The following FOXN1 variants were observed in gnomAD, a reference collection of about 807,000 sequenced individuals.
FOXN1 encodes the protein forkhead box protein N1.
In FOXN1, 15 loss-of-function variants were observed where a neutral mutation model predicts 49.0. That is an observed-to-expected ratio of 0.31 (90% confidence interval 0.20 to 0.47). FOXN1 has a LOEUF of 0.47. FOXN1 is among the 20% of genes least tolerant of loss of function. The probability of loss-of-function intolerance (pLI) is 1.00; values close to 1 mark genes in which losing one functional copy is unlikely to be tolerated. For missense variants in FOXN1, 800 were observed against 842.8 expected (o/e 0.95, Z 0.63); for synonymous variants, 356 against 369.0 (o/e 0.96, Z 0.40).
chr17:28,531,755 G>C (rs1167029151), intron 6 of FOXN1, among the ~76,000 whole-genome samples: 1 of 152,140 alleles, frequency 6.6e-6, no homozygotes, highest in Non-Finnish European at 1.5e-5. Flanking sequence ...TGAGACCCGG[G>C]TAATCCAGAA....
chr17:28,538,754 G>A lies in FOXN1; in HGVS notation c.*1318G>A, dbSNP rs936905430. 6.6e-6 allele frequency: 1 copy of A among 152,242 alleles called. No homozygotes were observed. Among genetic ancestry groups the A allele is most frequent in the Non-Finnish European group, 1.5e-5 (1 of 68,060 alleles). 9.4% of individuals were successfully genotyped at this position (152,242 alleles called of 1,614,324 possible). A position where few individuals can be genotyped will look rare whatever the true frequency, so the allele number is the denominator to read the frequency against. On this transcript the variant is annotated 3_prime_UTR_variant, in exon 9 of 9. Transcript: ENST00000579795. ...TGCCATGAGCCTGACCCCATCGAGG[G>A]GGAACCTCAGCCCACCCTGGGCCTG...
At chr17:28,522,005 C>T (rs1306203434) in intron 1 of FOXN1, among the ~76,000 whole-genome samples, 2 of 152,168 alleles carry the variant, frequency 1.3e-5, no homozygotes, top group Non-Finnish European at 2.9e-5. Flanking sequence ...GCCTGGCCTC[C>T]CAGCCTAGCC....
At chr17:28,515,325 TACCTCCACAGGGTACAC>T (rs1260545745) in intron 1 of FOXN1, among the ~76,000 whole-genome samples, 1 of 150,084 alleles carries the variant, frequency 6.7e-6, no homozygotes, top group East Asian at 2.0e-4. Context: ...ACAGAGTACA[TACCTCCACAGGGTACAC>T]ACCTCCACAG....
chr17:28,508,236 T>A (rs1202669963), intron 1 of FOXN1, among the ~76,000 whole-genome samples: 1 of 152,122 alleles, frequency 6.6e-6, no homozygotes, highest in African/African-American at 2.4e-5. Flanking sequence ...AGAGAAAAAT[T>A]AGGGGGCTTA....
intron 3 of FOXN1, 46 bp from the exon 4 acceptor site, chr17:28,527,205 G>A (rs1340142033): frequency 7.8e-7 from 1 of 1,274,240 alleles, no homozygotes; most frequent in East Asian, 2.3e-5. Context: ...AAAGAGGAAG[G>A]GAGAAAATAA....
intron 1 of FOXN1, among the ~76,000 whole-genome samples, chr17:28,513,196 G>A (rs1395123779): frequency 6.6e-6 from 1 of 152,166 alleles, no homozygotes; most frequent in African/African-American, 2.4e-5. Context: ...TTGAACCCAG[G>A]AGGTGGAGGT....
chr17:28,531,216 G>C (rs1031481320), intron 6 of FOXN1, among the ~76,000 whole-genome samples: 5 of 152,220 alleles, frequency 3.3e-5, no homozygotes, highest in Non-Finnish European at 7.3e-5. Context: ...CTGGGATGCT[G>C]TGGGGCTGGA....
intron 1 of FOXN1, among the ~76,000 whole-genome samples, chr17:28,521,396 A>G (rs2069637444): frequency 6.6e-6 from 1 of 152,178 alleles, no homozygotes; most frequent in South Asian, 2.1e-4. Flanking sequence ...AGCCCCCTGC[A>G]CCACCTCCTG....
At chr17:28,513,640 G>T (rs911310001) in intron 1 of FOXN1, among the ~76,000 whole-genome samples, 6 of 152,256 alleles carry the variant, frequency 3.9e-5, no homozygotes, top group African/African-American at 1.4e-4. Context: ...CCTGGCCTGG[G>T]GAGACAGCCC....
rs2069409907 is a variant in FOXN1 at position 28,512,212 on chromosome 17, C to T, written c.-15+5769C>T. Among the ~76,000 whole-genome samples, 2 of 152,238 alleles carry T rather than the reference C, an allele frequency of 1.3e-5. 1 individual carries two copies. Among genetic ancestry groups the T allele is most frequent in the African/African-American group, 4.8e-5 (2 of 41,462 alleles). On this transcript the variant is annotated intron_variant, in intron 1 of 8. Transcript: ENST00000579795. ...TGCAAAAGCCTCCTGGTCCTTCACT[C>T]ATGCCCCACCTCATCAGCCATTCTT...
intron 1 of FOXN1, among the ~76,000 whole-genome samples, chr17:28,521,799 G>A (rs1293485098): frequency 6.6e-6 from 1 of 152,232 alleles, no homozygotes; most frequent in East Asian, 1.9e-4. Flanking sequence ...TACCCTGTCT[G>A]TCAAATGAGG....
chr17:28,507,006 C>T (rs954101216), intron 1 of FOXN1, among the ~76,000 whole-genome samples: 8 of 152,142 alleles, frequency 5.3e-5, no homozygotes, highest in East Asian at 1.9e-4. Context: ...CACCTTGTGG[C>T]GAAGCAGACA....
intron 5 of FOXN1, among the ~76,000 whole-genome samples, chr17:28,530,032 T>C (rs1292661675): frequency 6.7e-6 from 1 of 149,832 alleles, no homozygotes; most frequent in African/African-American, 2.5e-5. Flanking sequence ...AAAAAAAATG[T>C]CAGGGGTTGG....
intron 6 of FOXN1, among the ~76,000 whole-genome samples, chr17:28,533,600 A>G (rs2069973078): frequency 6.6e-6 from 1 of 151,560 alleles, no homozygotes; most frequent in African/African-American, 2.4e-5. Context: ...AGTCACACCC[A>G]GAGAGACTTT....
In FOXN1 at chr17:28,537,228, G is replaced by C; in HGVS notation, c.1739G>C (p.Cys580Ser). ...CCACCACCCCAGCCACCACCTCACT[G>C]CTTCCCCCCTGGGCCCTGTCTGACA... is the stretch of plus-strand genomic sequence containing the variant. Reference protein sequence around the residue: ...SMPPPQPPPHCFPPGPCLTET... With the variant: ...SMPPPQPPPHSFPPGPCLTET... Residue 580 changes from cysteine (C) to serine (S), a missense_variant, in exon 9 of 9, where the codon TGC becomes TCC. Around this residue, in one of 3 missense-constraint regions of FOXN1, gnomAD observed 344 missense variants for 366.1 expected, o/e 0.94. Coordinates refer to ENST00000579795, the MANE Select transcript of FOXN1 (RefSeq NM_001369369.1). 2 of 1,613,902 alleles carry C rather than the reference G, an allele frequency of 1.2e-6. No homozygotes were observed. The highest frequency in any genetic ancestry group is 1.7e-6 in the Non-Finnish European group (2 of 1,179,854).
intron 1 of FOXN1, among the ~76,000 whole-genome samples, chr17:28,516,586 C>T (rs1370894597): frequency 2.9e-5 from 4 of 139,190 alleles, no homozygotes; most frequent in African/African-American, 8.1e-5. Context: ...TCCACAGGAT[C>T]CATACCTCCA....
intron 1 of FOXN1, among the ~76,000 whole-genome samples, chr17:28,516,737 G>A (rs528162610): frequency 2.3e-5 from 3 of 132,740 alleles, no homozygotes; most frequent in African/African-American, 8.7e-5. Context: ...CCTCCACAGG[G>A]TACACACTTC....
In FOXN1 at chr17:28,527,352, C is replaced by A; in HGVS notation, c.690C>A (p.Pro230=). ...LQHMYCSSQP[P]FHQYSPGGGS... ...ATATGTACTGCTCCTCCCAGCCCCC[C>A]TTCCACCAGGTGGGTCTGGGGCAAG... Residue 230 remains proline, a synonymous_variant, in exon 4 of 9, where the codon CCC becomes CCA. Transcript: ENST00000579795. 2 of 1,609,316 alleles carry A rather than the reference C, an allele frequency of 1.2e-6. No homozygotes were observed. The highest frequency in any genetic ancestry group is 8.5e-7 in the Non-Finnish European group (1 of 1,176,152).
At chr17:28,513,459 A>C (rs1332436873) in intron 1 of FOXN1, among the ~76,000 whole-genome samples, 1 of 152,170 alleles carries the variant, frequency 6.6e-6, no homozygotes, top group Admixed American at 6.5e-5. Context: ...CCATCCATCA[A>C]TCTCTCCATC....
Sources: allele counts gnomAD v4.1 joint callset (sites outside exome capture counted in the v4.1 genomes callset), GRCh38; gene constraint gnomAD v4.1.1; regional missense constraint gnomAD v4.1.1; transcripts MANE v1.5; gene names NCBI Gene and HGNC (gene_info 2026-07-23, HGNC 2026-07-21).